The following ZNF875 variants were observed in gnomAD, a reference collection of about 807,000 sequenced individuals.
ZNF875 encodes zinc finger protein 875, also known as HKR1, GLI-Kruppel zinc finger family member.
A neutral mutation model predicts 11.2 loss-of-function variants in ZNF875; 14 were observed. The observed-to-expected ratio is 1.26, with a 90% CI of 0.83 to 1.96. The LOEUF is 1.96. Ranked by LOEUF, ZNF875 falls within the 30% of genes most tolerant of loss-of-function variation. The pLI, the probability that ZNF875 is intolerant of heterozygous loss-of-function variation, is 0.00. For missense variants in ZNF875, 752 were observed against 760.4 expected, an observed-to-expected ratio of 0.99 and a Z score of 0.13; for synonymous variants, 301 against 281.1, an observed-to-expected ratio of 1.07 and a Z score of -0.71.
chr19:37,362,669 C>T lies in ZNF875; in HGVS notation c.817C>T (p.Pro273Ser), dbSNP rs571969598. 2 of 1,612,974 alleles carry T rather than the reference C, an allele frequency of 1.2e-6. No individual in the cohort carries two copies. Among genetic ancestry groups the T allele is most frequent in the Non-Finnish European group, 8.5e-7 (1 of 1,179,454 alleles). The change falls in exon 5 of 5, where the codon CCA becomes TCA. Residue 273 changes from proline (P) to serine (S), a missense_variant. Physicochemically the swap from Pro to Ser is moderately conservative, Grantham distance 74. Transcript: ENST00000392153. ...FGSMSVLIKN[P>S]RTHSGGKPYV... ...CAGTATGTCAGTCCTCATCAAAAAC[C>T]CAAGGACACACTCTGGGGGAAAGCC... is the stretch of plus-strand genomic sequence containing the variant.
upstream of ZNF875, among the ~76,000 whole-genome samples, chr19:37,314,144 CCT>C (rs2030081144): frequency 6.6e-6 from 1 of 151,972 alleles, no homozygotes; most frequent in Admixed American, 6.6e-5. Context: ...ACATGGTCTC[CCT>C]CTTTCACCCA....
upstream of ZNF875, among the ~76,000 whole-genome samples, chr19:37,330,266 T>C (rs2033170621): frequency 6.6e-6 from 1 of 152,216 alleles, no homozygotes; most frequent in Admixed American, 6.5e-5. Flanking sequence ...TTTTTGGTGA[T>C]GAGAATGGTG....
chr19:37,350,864 G>A (rs1163044847), intron 4 of ZNF875, among the ~76,000 whole-genome samples: 1 of 147,354 alleles, frequency 6.8e-6, no homozygotes, highest in African/African-American at 2.5e-5. Context: ...GAGTGCAGTG[G>A]TGCAATCCCA....
At chr19:37,316,241 A>T (rs897675388), upstream of ZNF875, among the ~76,000 whole-genome samples, 16 of 152,234 alleles carry the variant, frequency 1.1e-4, no homozygotes, top group Non-Finnish European at 2.2e-4. Context: ...TGTCCTCCGG[A>T]ATTGCTAGGT....
At chr19:37,334,572 C>T (rs1373736772), upstream of ZNF875, 1 of 392,046 alleles carries the variant, frequency 2.6e-6, no homozygotes, top group African/African-American at 2.1e-5. Context: ...AGCTCCGAAA[C>T]TACAATCCCC....
chr19:37,361,933 C>G (rs1374555532), intron 4 of ZNF875, 176 bp from the exon 5 acceptor site: 1 of 542,748 alleles, frequency 1.8e-6, no homozygotes, highest in African/African-American at 2.0e-5. Context: ...AACAAAAAAA[C>G]AAAAGAAAGT....
Position 37,362,759 on chromosome 19 carries a change from A to G in ZNF875, c.907A>G (p.Thr303Ala), listed in dbSNP as rs1332499492. 3 of 1,613,584 alleles carry G rather than the reference A, an allele frequency of 1.9e-6. No individual in the cohort carries two copies. Among genetic ancestry groups the G allele is most frequent in the Admixed American group, 1.7e-5 (1 of 59,968 alleles). Residue 303 changes from threonine to alanine, a missense_variant, in exon 5 of 5, where the codon ACA becomes GCA. Coordinates refer to ENST00000392153, the MANE Select transcript of ZNF875 (RefSeq NM_001353803.2). ...GTCAAACCTGATCACACATCAGAGG[A>G]CACACTCAGGGGAGAAACCTTATGT... ...WKSNLITHQRTHSGEKPYVCK... is the reference protein window; with the variant it reads ...WKSNLITHQRAHSGEKPYVCK...
intron 4 of ZNF875, among the ~76,000 whole-genome samples, chr19:37,361,727 GC>G (rs2039954480): frequency 6.6e-6 from 1 of 151,940 alleles, no homozygotes; most frequent in African/African-American, 2.4e-5. Flanking sequence ...GACCAGCCTG[GC>G]AAACACGGTA....
At chr19:37,362,049 G>A (rs2040024928) in intron 4 of ZNF875, 60 bp from the exon 5 acceptor site, 1 of 1,135,270 alleles carries the variant, frequency 8.8e-7, no homozygotes, top group South Asian at 1.5e-5. Flanking sequence ...CAGTGGGCAA[G>A]GCAAAATTGC....
At chr19:37,315,060 G>C (rs1335524344), upstream of ZNF875, 2 of 151,590 alleles carry the variant, frequency 1.3e-5, no homozygotes, top group African/African-American at 4.9e-5. Flanking sequence ...CCTAACCCCG[G>C]GCCACCACTA....
intron 4 of ZNF875, chr19:37,324,743 TG>T (rs1198074478): frequency 6.4e-6 from 1 of 155,314 alleles, no homozygotes; most frequent in Non-Finnish European, 1.4e-5. Context: ...CATGAAGAAG[TG>T]TTTTATATTT....
intron 1 of ZNF875, among the ~76,000 whole-genome samples, chr19:37,320,330 A>G (rs2031159947): frequency 6.6e-6 from 1 of 152,218 alleles, no homozygotes; most frequent in African/African-American, 2.4e-5. Context: ...GGGCATTATT[A>G]GCAGTCAGAC....
intron 4 of ZNF875, chr19:37,361,895 T>G: frequency 1.9e-6 from 1 of 517,290 alleles, no homozygotes; most frequent in Non-Finnish European, 3.4e-6. Flanking sequence ...CCAGCTTGGG[T>G]GAAAGAAAGA....
Position 37,363,466 on chromosome 19 carries a change from G to A in ZNF875, c.1614G>A (p.Glu538=), listed in dbSNP as rs1020944718. ...HSGEKPFMCR[E]CGRRFRQKPN... is the part of the protein sequence containing the mutation. ...GGGAAAAGCCTTTTATGTGCAGGGA[G>A]TGTGGCAGAAGGTTTCGGCAGAAGC... Residue 538 remains glutamate, a synonymous_variant, in exon 5 of 5, where the codon GAG becomes GAA. Coordinates refer to ENST00000392153, the MANE Select transcript of ZNF875 (RefSeq NM_001353803.2). 2.5e-6 allele frequency: 4 copies of A among 1,614,030 alleles called. No homozygotes were observed. Among genetic ancestry groups the A allele is most frequent in the Non-Finnish European group, 3.4e-6 (4 of 1,179,926 alleles).
At chr19:37,355,025 G>A (rs2038651475) in intron 4 of ZNF875, among the ~76,000 whole-genome samples, 1 of 152,004 alleles carries the variant, frequency 6.6e-6, no homozygotes, top group Admixed American at 6.5e-5. Flanking sequence ...TTATATAAAT[G>A]GCATCATAAA....
chr19:37,321,970 T>G (rs1243694461), intron 1 of ZNF875, among the ~76,000 whole-genome samples: 2 of 152,222 alleles, frequency 1.3e-5, no homozygotes, highest in Admixed American at 6.5e-5. Context: ...TGGTAGTATA[T>G]GGCATTATTC....
At chr19:37,334,859 GCTAT>G in intron 1 of ZNF875, 77 bp downstream of exon 1, 1 of 462,158 alleles carries the variant, frequency 2.2e-6, no homozygotes, top group Non-Finnish European at 4.3e-6. Flanking sequence ...GAGCCGCAGA[GCTAT>G]CTCAGAACTA....
At chr19:37,338,277 C>T (rs2034933775) in intron 2 of ZNF875, among the ~76,000 whole-genome samples, 1 of 152,138 alleles carries the variant, frequency 6.6e-6, no homozygotes, top group African/African-American at 2.4e-5. Flanking sequence ...TGCATGCCAC[C>T]ACGCCCGGCT....
intron 2 of ZNF875, among the ~76,000 whole-genome samples, chr19:37,335,784 T>C: frequency 6.6e-6 from 1 of 152,336 alleles, no homozygotes; most frequent in Non-Finnish European, 1.5e-5. Flanking sequence ...TTTGCTCACA[T>C]CCTGCATTCA....
Sources: gnomAD v4.1 joint callset for allele counts (sites outside exome capture counted in the v4.1 genomes callset) on GRCh38, gnomAD v4.1.1 for gene constraint, MANE v1.5 for transcripts, NCBI Gene and HGNC (gene_info 2026-07-23, HGNC 2026-07-21) for gene names.